IL1RAPL2: variants seen among roughly 807,000 people sequenced by gnomAD.
The protein encoded by IL1RAPL2 is X-linked interleukin-1 receptor accessory protein-like 2.
In IL1RAPL2, 3 loss-of-function variants were observed where a neutral mutation model predicts 44.1. That is an observed-to-expected ratio of 0.07 (90% CI 0.03 to 0.18). The LOEUF (loss-of-function observed/expected upper bound fraction) is 0.18. Among genes scored for constraint, IL1RAPL2 ranks in the 10% least tolerant of loss-of-function variants. The pLI is 1.00. For synonymous variants in IL1RAPL2, 181 were observed against 178.8 expected (o/e 1.01, Z -0.10); for missense variants, 391 against 496.4 (o/e 0.79, Z 2.02).
chrX:105,527,678 A>G (rs2036604416), intron 6 of IL1RAPL2, among the ~76,000 whole-genome samples: 1 of 111,003 alleles, frequency 9.0e-6, no homozygotes, highest in Non-Finnish European at 1.9e-5. Flanking sequence ...TTTTTTTACC[A>G]CTAAATACAT....
chrX:105,014,060 A>G (rs2031118627), intron 2 of IL1RAPL2, among the ~76,000 whole-genome samples: 1 of 112,144 alleles, frequency 8.9e-6, no homozygotes, highest in South Asian at 3.7e-4. Context: ...ATTCTTTTTT[A>G]TATCATGAGT....
chrX:105,457,033 TACACACACAC>T lies in IL1RAPL2; in HGVS notation c.698-27242_698-27233del, dbSNP rs58305468. Among the ~76,000 whole-genome samples, 508 of 85,319 alleles carry T rather than the reference TACACACACAC, an allele frequency of 6.0e-3. 5 individuals are homozygous for T. The highest frequency in any genetic ancestry group is 0.021 in the African/African-American group (463 of 22,442). 74.1% of individuals were successfully genotyped at this position (85,319 alleles called of 115,157 possible). On this transcript the variant is annotated intron_variant, in intron 5 of 10. Transcript: ENST00000372582. ...ATTGCTGGTTATTTATCTAAAGTTA[TACACACACAC>T]ACACACACACACACACACACACACA... is the stretch of plus-strand genomic sequence containing the variant.
chrX:104,901,292 G>C (rs1268040222), intron 2 of IL1RAPL2, among the ~76,000 whole-genome samples: 1 of 89,985 alleles, frequency 1.1e-5, no homozygotes, highest in African/African-American at 4.3e-5. Context: ...CTCACTGCAA[G>C]CTCCGCCTCC....
At chrX:104,784,040 C>T (rs1414078811) in intron 2 of IL1RAPL2, among the ~76,000 whole-genome samples, 2 of 111,259 alleles carry the variant, frequency 1.8e-5, no homozygotes, top group Non-Finnish European at 1.9e-5. Flanking sequence ...ACTCCCTCCC[C>T]CAGCTGCCAA....
chrX:104,822,327 C>T (rs1921325805), intron 2 of IL1RAPL2, among the ~76,000 whole-genome samples: 1 of 111,941 alleles, frequency 8.9e-6, no homozygotes, highest in Non-Finnish European at 1.9e-5. Flanking sequence ...TTTGCCCATG[C>T]CTATGTCCTG....
intron 2 of IL1RAPL2, among the ~76,000 whole-genome samples, chrX:104,932,502 T>C (rs900575727): frequency 9.0e-6 from 1 of 111,347 alleles, no homozygotes; most frequent in African/African-American, 3.3e-5. Context: ...CAATCTATAA[T>C]TCCAGTTTCT....
intron 2 of IL1RAPL2, among the ~76,000 whole-genome samples, chrX:104,948,776 G>T (rs199612419): frequency 0.28 from 30,286 of 106,474 alleles, 4,318 homozygotes; most frequent in South Asian, 0.49. Context: ...GCCCACTTGA[G>T]CATGGTGGAT....
At chrX:104,578,296 CAGAA>C (rs986497832) in intron 1 of IL1RAPL2, among the ~76,000 whole-genome samples, 1 of 111,999 alleles carries the variant, frequency 8.9e-6, no homozygotes, top group African/African-American at 3.2e-5. Context: ...TGTGAAAAGA[CAGAA>C]AGAGAGTTTG....
At chrX:104,604,376 C>T (rs1385398648) in intron 1 of IL1RAPL2, among the ~76,000 whole-genome samples, 2 of 110,962 alleles carry the variant, frequency 1.8e-5, no homozygotes, top group African/African-American at 6.6e-5. Flanking sequence ...AGACCATCAA[C>T]ACTATGAAGA....
chrX:105,253,304 C>G (rs1230366852), intron 4 of IL1RAPL2, among the ~76,000 whole-genome samples: 1 of 110,796 alleles, frequency 9.0e-6, no homozygotes, highest in Non-Finnish European at 1.9e-5. Context: ...TATATTCAAA[C>G]TCATTGGTTC....
intron 2 of IL1RAPL2, among the ~76,000 whole-genome samples, chrX:104,678,550 G>C (rs1930830830): frequency 9.0e-6 from 1 of 111,267 alleles, no homozygotes; most frequent in Admixed American, 9.5e-5. Flanking sequence ...CCAGCTCTTT[G>C]AGCTCTTCCT....
chrX:105,760,268 A>G (rs1476609805), intron 10 of IL1RAPL2, among the ~76,000 whole-genome samples: 4 of 111,877 alleles, frequency 3.6e-5, no homozygotes, highest in Admixed American at 9.5e-5. Flanking sequence ...CATAGTATAA[A>G]ACCAGGATAA....
intron 1 of IL1RAPL2, among the ~76,000 whole-genome samples, chrX:104,610,973 T>C (rs1929141964): frequency 9.0e-6 from 1 of 111,485 alleles, no homozygotes; most frequent in Non-Finnish European, 1.9e-5. Flanking sequence ...TTTGCCTCAG[T>C]ATCACCAATG....
intron 6 of IL1RAPL2, among the ~76,000 whole-genome samples, chrX:105,627,391 C>G (rs1161084454): frequency 9.0e-6 from 1 of 111,199 alleles, no homozygotes; most frequent in Non-Finnish European, 1.9e-5. Flanking sequence ...ACACAGGAAC[C>G]ACCAAAGAGA....
chrX:105,589,657 T>C (rs937070686), intron 6 of IL1RAPL2, among the ~76,000 whole-genome samples: 23 of 111,090 alleles, frequency 2.1e-4, no homozygotes, highest in Non-Finnish European at 3.6e-4. Flanking sequence ...TTGCCTGTTG[T>C]TGTGAACTTT....
At chrX:105,053,501 A>G (rs192973108) in intron 2 of IL1RAPL2, among the ~76,000 whole-genome samples, 1 of 111,630 alleles carries the variant, frequency 9.0e-6, no homozygotes, top group African/African-American at 3.3e-5. Flanking sequence ...CAGAGATTAC[A>G]TAACTTGCCC....
chrX:105,072,597 G>A (rs192761796), intron 2 of IL1RAPL2, among the ~76,000 whole-genome samples: 357 of 110,987 alleles, frequency 3.2e-3, no homozygotes, highest in Admixed American at 5.9e-3. Context: ...CGGAAATGAG[G>A]AACTTATTGG....
At chrX:105,053,105 T>G (rs2031949405) in intron 2 of IL1RAPL2, among the ~76,000 whole-genome samples, 1 of 110,977 alleles carries the variant, frequency 9.0e-6, no homozygotes, top group African/African-American at 3.3e-5. Flanking sequence ...TATTCGCCCA[T>G]CTTGTCCCCT....
intron 2 of IL1RAPL2, among the ~76,000 whole-genome samples, chrX:104,764,327 G>A (rs1184628220): frequency 9.0e-6 from 1 of 110,954 alleles, no homozygotes; most frequent in Non-Finnish European, 1.9e-5. Context: ...ATTGTAAATG[G>A]GACTACATTT....
Sources: allele counts gnomAD v4.1 joint callset (sites outside exome capture counted in the v4.1 genomes callset), GRCh38; gene constraint gnomAD v4.1.1; transcripts MANE v1.5; gene names NCBI Gene and HGNC (gene_info 2026-07-23, HGNC 2026-07-21).